The following ATP8A1 variants were observed in gnomAD, a reference collection of about 807,000 sequenced individuals.
ATP8A1 encodes the protein phospholipid-transporting ATPase IA.
Under a neutral mutation model 177.7 loss-of-function variants are expected in ATP8A1, and 90 were observed. The observed-to-expected ratio is 0.51, with a 90% CI of 0.43 to 0.60. ATP8A1 has a LOEUF of 0.60. Ranked by LOEUF, ATP8A1 falls within the 20% of genes least tolerant of loss-of-function variation. ATP8A1 has a pLI of 0.00. For synonymous variants in ATP8A1, 493 were observed against 485.9 expected (o/e 1.01, Z -0.19); for missense variants, 1,072 against 1,392.8 (o/e 0.77, Z 3.67).
At chr4:42,433,502 C>T (rs1451459711) in intron 33 of ATP8A1, among the ~76,000 whole-genome samples, 1 of 152,106 alleles carries the variant, frequency 6.6e-6, no homozygotes, top group Admixed American at 6.5e-5. Flanking sequence ...ACTTTCTCCA[C>T]GAAACTAGAC....
At chr4:42,471,064 A>G (rs1356417883) in intron 25 of ATP8A1, among the ~76,000 whole-genome samples, 1 of 152,234 alleles carries the variant, frequency 6.6e-6, no homozygotes, top group Non-Finnish European at 1.5e-5. Context: ...ATTAAGATAC[A>G]GCAAAAAAAA....
At chr4:42,596,666 C>CAAAAA (rs71648737) in intron 6 of ATP8A1, among the ~76,000 whole-genome samples, 16 of 73,666 alleles carry the variant, frequency 2.2e-4, no homozygotes, top group South Asian at 9.6e-4. Context: ...GACTCCATCT[C>CAAAAA]AAAAAAAAAA....
intron 3 of ATP8A1, 105 bp downstream of exon 3, chr4:42,625,509 A>C: frequency 1.5e-6 from 1 of 678,690 alleles, no homozygotes; most frequent in South Asian, 3.1e-5. Context: ...TGTCCACCAA[A>C]ACCAGCTTAT....
intron 33 of ATP8A1, among the ~76,000 whole-genome samples, chr4:42,441,290 T>C (rs1295239089): frequency 2.6e-5 from 4 of 152,194 alleles, no homozygotes; most frequent in African/African-American, 7.2e-5. Flanking sequence ...GCCAATTATG[T>C]ATATGCCTAC....
At chr4:42,546,781 T>C (rs1179263590) in intron 19 of ATP8A1, among the ~76,000 whole-genome samples, 4 of 152,164 alleles carry the variant, frequency 2.6e-5, no homozygotes, top group African/African-American at 7.2e-5. Flanking sequence ...ACTTCTTACC[T>C]AACCTTGCAG....
chr4:42,647,728 C>T (rs1457308533), intron 1 of ATP8A1, among the ~76,000 whole-genome samples: 2 of 151,870 alleles, frequency 1.3e-5, no homozygotes, highest in Admixed American at 1.3e-4. Flanking sequence ...TTCCATGGAA[C>T]CATTAGCTAA....
chr4:42,451,831 A>G, intron 30 of ATP8A1, 150 bp downstream of exon 30: 2 of 497,170 alleles, frequency 4.0e-6, no homozygotes, highest in Non-Finnish European at 7.1e-6. Flanking sequence ...AAAATCTTCA[A>G]AGTGTGTACA....
chr4:42,435,461 A>AAAAAAAAAAAAC lies in ATP8A1; in HGVS notation c.3123+8103_3123+8104insGTTTTTTTTTTT, dbSNP rs1553871738. 2.0e-3 allele frequency among the ~76,000 whole-genome samples: 241 copies of AAAAAAAAAAAAC among 122,304 alleles called. 24 individuals carry two copies. The highest frequency in any genetic ancestry group is 4.8e-3 in the Middle Eastern group (1 of 208). 80.2% of individuals were successfully genotyped at this position (122,304 alleles called of 152,430 possible). On this transcript the variant is annotated intron_variant, in intron 33 of 36. Transcript: ENST00000381668. ...AAAAAAAAAAAAAACAAAAAAAAAAAAACAAACTATCTCCAGTTATGAGCT... is the reference window on the plus strand; with the variant it reads ...AAAAAAAAAAAAAACAAAAAAAAAAAAAAAAAAAAAACAACAAACTATCTCCAGTTATGAGCT...
chr4:42,439,597 C>T (rs929176164), intron 33 of ATP8A1, among the ~76,000 whole-genome samples: 6 of 152,146 alleles, frequency 3.9e-5, no homozygotes, highest in African/African-American at 7.2e-5. Flanking sequence ...AGTCATCGCT[C>T]GAGAAGCAGT....
chr4:42,414,130 T>C (rs138916693), intron 36 of ATP8A1, among the ~76,000 whole-genome samples: 134 of 152,354 alleles, frequency 8.8e-4, no homozygotes, highest in African/African-American at 3.1e-3. Context: ...CTCACACAAA[T>C]ACATTTACTA....
At position 42,503,502 on chromosome 4, in the gene ATP8A1, T is replaced by A; in HGVS notation, c.2099A>T (p.Lys700Ile). 1 of 1,606,074 alleles carries A rather than the reference T, an allele frequency of 6.2e-7. No individual in the cohort carries two copies. The highest frequency in any genetic ancestry group is 1.3e-5 in the African/African-American group (1 of 74,850). ...CATTCCCATGTTCTTCTTCAACAGT[T>A]TGCAGGAGTGTCCTGTATCCAAACA... ...ETAINIGHSC[K>I]LLKKNMGMIV... Residue 700 changes from lysine (K) to isoleucine (I), a missense_variant, in exon 24 of 37, where the codon AAA becomes ATA. Coordinates refer to ENST00000381668, the MANE Select transcript of ATP8A1 (RefSeq NM_006095.2).
intron 4 of ATP8A1, among the ~76,000 whole-genome samples, chr4:42,621,239 C>G (rs1482560666): frequency 1.3e-5 from 2 of 152,350 alleles, no homozygotes; most frequent in African/African-American, 4.8e-5. Flanking sequence ...TGCACAACAT[C>G]TGTTTCTACT....
intron 6 of ATP8A1, chr4:42,594,393 C>T (rs1298354139): frequency 6.4e-6 from 8 of 1,242,028 alleles, no homozygotes; most frequent in Non-Finnish European, 9.5e-6. Context: ...GGTTAATTAT[C>T]TGCATTGAAA....
In ATP8A1 at chr4:42,647,545, A is replaced by G. The variant is rs1740661580; in HGVS notation, c.49+9280T>C. 2.6e-5 allele frequency among the ~76,000 whole-genome samples: 4 copies of G among 151,106 alleles called. No individual in the cohort carries two copies. The South Asian group carries it at 8.3e-4, about 31-fold the overall frequency. ...AAGACAATTTATATTTATAATACAT[A>G]TTAGTATTTATATATTAAATACACT... On this transcript the variant is annotated intron_variant, in intron 1 of 36. Coordinates refer to ENST00000381668, the MANE Select transcript of ATP8A1 (RefSeq NM_006095.2).
intron 6 of ATP8A1, 81 bp downstream of exon 6, chr4:42,600,397 A>T (rs549710801): frequency 8.9e-7 from 1 of 1,128,258 alleles, no homozygotes; most frequent in Non-Finnish European, 1.2e-6. Flanking sequence ...ACATTTGCTC[A>T]TATTATACAA....
intron 22 of ATP8A1, among the ~76,000 whole-genome samples, chr4:42,516,024 TA>T (rs1353320455): frequency 3.9e-5 from 6 of 152,214 alleles, no homozygotes; most frequent in Non-Finnish European, 7.3e-5. Context: ...GATTTGTTAA[TA>T]GGGGGCAGGC....
chr4:42,513,441 A>G (rs1186082604), intron 22 of ATP8A1, among the ~76,000 whole-genome samples: 3 of 152,210 alleles, frequency 2.0e-5, no homozygotes, highest in South Asian at 2.1e-4. Flanking sequence ...CGATGGCTCA[A>G]AGAAAATCTA....
chr4:42,602,358 G>T (rs1344469509), intron 5 of ATP8A1, among the ~76,000 whole-genome samples: 1 of 152,218 alleles, frequency 6.6e-6, no homozygotes, highest in Non-Finnish European at 1.5e-5. Flanking sequence ...AGCAGTAGGG[G>T]TTTGGTGTTT....
chr4:42,637,115 C>T (rs1739472503), intron 1 of ATP8A1: 1 of 518,662 alleles, frequency 1.9e-6, no homozygotes, highest in South Asian at 1.4e-5. Context: ...TAGCCTTCTA[C>T]AAGAAGCTAA....
Sources: gnomAD v4.1 joint callset for allele counts (sites outside exome capture counted in the v4.1 genomes callset) on GRCh38, gnomAD v4.1.1 for gene constraint, MANE v1.5 for transcripts, NCBI Gene and HGNC (gene_info 2026-07-23, HGNC 2026-07-21) for gene names.